The following SIDT1 variants were observed in gnomAD, a reference collection of about 807,000 sequenced individuals.
The protein encoded by SIDT1 is SID1 transmembrane family member 1.
A neutral mutation model predicts 107.5 loss-of-function variants in SIDT1; 101 were observed. The observed-to-expected ratio is 0.94, with a 90% confidence interval of 0.80 to 1.11. The LOEUF is 1.11. Ranked by LOEUF, SIDT1 falls within the 50% of genes least tolerant of loss-of-function variation. SIDT1 has a pLI of 0.00. For synonymous variants in SIDT1, 395 were observed against 398.2 expected (o/e 0.99, Z 0.10); for missense variants, 1,076 against 1,058.2 (o/e 1.02, Z -0.23).
intron 1 of SIDT1, among the ~76,000 whole-genome samples, chr3:113,558,437 A>T (rs966616792): frequency 6.6e-6 from 1 of 152,192 alleles, no homozygotes; most frequent in East Asian, 1.9e-4. Context: ...ATTTCTGCAC[A>T]TCTTACAGGA....
At chr3:113,545,282 A>C (rs1329986972) in intron 1 of SIDT1, among the ~76,000 whole-genome samples, 1 of 152,044 alleles carries the variant, frequency 6.6e-6, no homozygotes, top group East Asian at 1.9e-4. Context: ...GTGATCTTTA[A>C]ATTCATTGTT....
intron 1 of SIDT1, among the ~76,000 whole-genome samples, chr3:113,536,421 C>A (rs1938172680): frequency 6.6e-6 from 1 of 152,290 alleles, no homozygotes; most frequent in East Asian, 1.9e-4. Context: ...CTCTTCAGTG[C>A]AACAAAGAAT....
intron 1 of SIDT1, among the ~76,000 whole-genome samples, chr3:113,544,078 TTTTTG>T (rs148655100): frequency 0.028 from 4,285 of 152,064 alleles, 108 homozygotes; most frequent in East Asian, 0.095. Context: ...GAAAAAAGGT[TTTTTG>T]TTTTGTTTTG....
At position 113,599,960 on chromosome 3, in the gene SIDT1, C is replaced by A. The variant is rs542029104; in HGVS notation, c.1046-1628C>A. 2.0e-5 allele frequency among the ~76,000 whole-genome samples: 3 copies of A among 152,274 alleles called. No individual in the cohort carries two copies. The East Asian group carries it at 5.8e-4, about 29-fold the overall frequency. ...TTGCTTAGCTATAGCAATCATTTCACTATGTGCACGTAATATCAAAACATC... is the reference window on the plus strand; with the variant it reads ...TTGCTTAGCTATAGCAATCATTTCAATATGTGCACGTAATATCAAAACATC... On this transcript the variant is annotated intron_variant, in intron 10 of 24. Transcript: ENST00000264852.
At chr3:113,567,861 G>A (rs1247013569) in intron 3 of SIDT1, 151 bp downstream of exon 3, 6 of 714,386 alleles carry the variant, frequency 8.4e-6, no homozygotes, top group Non-Finnish European at 9.1e-6. Flanking sequence ...GCCCATAACT[G>A]AGCAGCAGGG....
chr3:113,597,977 A>G (rs1944695404), intron 10 of SIDT1, among the ~76,000 whole-genome samples: 1 of 152,230 alleles, frequency 6.6e-6, no homozygotes, highest in Admixed American at 6.5e-5. Flanking sequence ...GCATTCTTAA[A>G]AGGCTTTAGA....
intron 1 of SIDT1, among the ~76,000 whole-genome samples, chr3:113,550,200 C>CCCTATGTATCTGTG (rs1267394949): frequency 6.6e-6 from 1 of 152,192 alleles, no homozygotes; most frequent in Non-Finnish European, 1.5e-5. Flanking sequence ...CTCTCTGCTT[C>CCCTATGTATCTGTG]TCCTATCCTT....
At chr3:113,553,986 G>A (rs772879857) in intron 1 of SIDT1, among the ~76,000 whole-genome samples, 3 of 152,188 alleles carry the variant, frequency 2.0e-5, no homozygotes, top group Non-Finnish European at 4.4e-5. Context: ...GGCAGAGGTT[G>A]TAGTGAGCTG....
At chr3:113,541,465 C>T (rs140149196) in intron 1 of SIDT1, among the ~76,000 whole-genome samples, 48 of 152,208 alleles carry the variant, frequency 3.2e-4, no homozygotes, top group South Asian at 1.2e-3. Context: ...CCTCCGGGCC[C>T]GGCCAGTACA....
intron 1 of SIDT1, among the ~76,000 whole-genome samples, chr3:113,561,693 T>G (rs1418783070): frequency 2.0e-5 from 3 of 152,184 alleles, no homozygotes; most frequent in Non-Finnish European, 4.4e-5. Flanking sequence ...CCCAGCAGCT[T>G]GCTAAAAATT....
intron 10 of SIDT1, among the ~76,000 whole-genome samples, chr3:113,593,936 A>G (rs764600144): frequency 5.9e-5 from 9 of 152,228 alleles, no homozygotes; most frequent in Non-Finnish European, 1.3e-4. Context: ...TGATCTTTTT[A>G]ACAAAATTAA....
At chr3:113,623,400 C>A in intron 21 of SIDT1, 27 bp from the exon 22 acceptor site, 1 of 1,484,202 alleles carries the variant, frequency 6.7e-7, no homozygotes, top group Non-Finnish European at 9.4e-7. Flanking sequence ...ACCTTCACGG[C>A]TGCCCACATT....
chr3:113,590,087 C>G (rs1304645185), intron 9 of SIDT1: 1 of 152,304 alleles, frequency 6.6e-6, no homozygotes, highest in Non-Finnish European at 1.5e-5. Context: ...GGAGAAGCTG[C>G]TTTAGATTAG....
rs535594674 is a variant in SIDT1 at position 113,546,853 on chromosome 3, G to C, written c.222+13610G>C. Among the ~76,000 whole-genome samples, 85 of 152,202 alleles carry C rather than the reference G, an allele frequency of 5.6e-4. 1 individual carries two copies. The highest frequency in any genetic ancestry group is 1.9e-3 in the African/African-American group (78 of 41,534). Reference sequence around the variant, plus strand: ...CCACATGTTGCCATGCAGTACCCCAGAGTATGTTAACCAGCTCTTCCTACA... The same window carrying C: ...CCACATGTTGCCATGCAGTACCCCACAGTATGTTAACCAGCTCTTCCTACA... On this transcript the variant is annotated intron_variant, in intron 1 of 24. Coordinates refer to ENST00000264852, the MANE Select transcript of SIDT1 (RefSeq NM_017699.3).
chr3:113,539,166 C>T (rs973466289), intron 1 of SIDT1, among the ~76,000 whole-genome samples: 1 of 152,036 alleles, frequency 6.6e-6, no homozygotes, highest in African/African-American at 2.4e-5. Flanking sequence ...GAGTTGGTCT[C>T]CTAATAGCCT....
At chr3:113,605,031 A>G (rs1945225492) in intron 14 of SIDT1, 55 bp downstream of exon 14, 1 of 1,575,840 alleles carries the variant, frequency 6.3e-7, no homozygotes, top group Admixed American at 1.7e-5. Context: ...CTGCAGGGAG[A>G]GTCTCCACTG....
intron 1 of SIDT1, among the ~76,000 whole-genome samples, chr3:113,562,215 G>A (rs564171393): frequency 3.9e-5 from 6 of 152,172 alleles, no homozygotes; most frequent in Non-Finnish European, 8.8e-5. Context: ...ACAAGTGTTG[G>A]CAAGGATGTA....
At chr3:113,586,875 G>C (rs1332600160) in intron 9 of SIDT1, among the ~76,000 whole-genome samples, 1 of 152,110 alleles carries the variant, frequency 6.6e-6, no homozygotes, top group African/African-American at 2.4e-5. Flanking sequence ...ACAAAGAAAA[G>C]TTACATAAGT....
At chr3:113,626,648 G>T (rs751522569) in intron 24 of SIDT1, among the ~76,000 whole-genome samples, 6 of 152,004 alleles carry the variant, frequency 3.9e-5, no homozygotes, top group Non-Finnish European at 7.4e-5. Context: ...TCCTTAAGTG[G>T]CTTGGGGTAG....
Sources: allele counts gnomAD v4.1 joint callset (sites outside exome capture counted in the v4.1 genomes callset), GRCh38; gene constraint gnomAD v4.1.1; transcripts MANE v1.5; gene names NCBI Gene and HGNC (gene_info 2026-07-23, HGNC 2026-07-21).